Variants in ADAMTS14 observed in about 807,000 individuals in gnomAD.
ADAMTS14 encodes ADAM metallopeptidase with thrombospondin type 1 motif 14.
In ADAMTS14, 100 loss-of-function variants were observed where a neutral mutation model predicts 128.6. The ratio of observed to expected loss-of-function variants is 0.78; its 90% confidence interval spans 0.66 to 0.92. The LOEUF (loss-of-function observed/expected upper bound fraction) is 0.92. Among genes scored for constraint, ADAMTS14 ranks in the 40% least tolerant of loss-of-function variants. The probability of loss-of-function intolerance (pLI) is 0.00; values close to 1 mark genes in which losing one functional copy is unlikely to be tolerated. For missense variants in ADAMTS14, 1,562 were observed against 1,658.6 expected (o/e 0.94, Z 1.01); for synonymous variants, 665 against 653.8 (o/e 1.02, Z -0.26).
At chr10:70,718,168 G>A (rs1046015116) in intron 4 of ADAMTS14, among the ~76,000 whole-genome samples, 1 of 152,144 alleles carries the variant, frequency 6.6e-6, no homozygotes, top group Non-Finnish European at 1.5e-5. Flanking sequence ...CGGAGAGTGT[G>A]GCTTTGCCAG....
intron 5 of ADAMTS14, 35 bp from the exon 6 acceptor site, chr10:70,730,067 C>T: frequency 1.3e-6 from 2 of 1,556,604 alleles, no homozygotes; most frequent in South Asian, 1.2e-5. Flanking sequence ...CTCTGACCCT[C>T]CACGTGGCTG....
intron 6 of ADAMTS14, 48 bp from the exon 7 acceptor site, chr10:70,732,206 C>T (rs1841663035): frequency 1.3e-6 from 2 of 1,526,962 alleles, no homozygotes; most frequent in African/African-American, 1.4e-5. Flanking sequence ...TGTCCTGCCT[C>T]ACCTGCCCTC....
chr10:70,718,701 A>G (rs76128255), intron 4 of ADAMTS14, among the ~76,000 whole-genome samples: 1 of 143,780 alleles, frequency 7.0e-6, no homozygotes, highest in East Asian at 2.1e-4. Context: ...TTTTTTTTAA[A>G]GACAGTGTCT....
In ADAMTS14 at chr10:70,709,913, C is replaced by T. The variant is rs1445054052; in HGVS notation, c.870+1135C>T. On this transcript the variant is annotated intron_variant, in intron 4 of 21. Coordinates refer to ENST00000373207, the MANE Select transcript of ADAMTS14 (RefSeq NM_080722.4). The stretch of plus-strand genomic sequence containing the variant: ...CATCCCTGGGCTAAAGGGGCAGAGA[C>T]AAGGAAGAGCAGGAGGGAAAGGAGG... 2.0e-5 allele frequency among the ~76,000 whole-genome samples: 3 copies of T among 152,258 alleles called. No homozygotes were observed. In the East Asian group the frequency reaches 5.8e-4, roughly 29 times the overall value.
chr10:70,747,421 G>T (rs988003922), intron 15 of ADAMTS14, among the ~76,000 whole-genome samples: 2 of 152,000 alleles, frequency 1.3e-5, no homozygotes, highest in African/African-American at 4.8e-5. Flanking sequence ...ATTGGTTCAG[G>T]CAAGTCCTGC....
At chr10:70,712,387 T>G (rs1033303003) in intron 4 of ADAMTS14, among the ~76,000 whole-genome samples, 6 of 152,206 alleles carry the variant, frequency 3.9e-5, no homozygotes, top group Admixed American at 1.3e-4. Flanking sequence ...ATCCTTCACT[T>G]TGTTAAAAGA....
intron 4 of ADAMTS14, among the ~76,000 whole-genome samples, chr10:70,722,207 T>A (rs1457536313): frequency 1.3e-5 from 2 of 152,134 alleles, no homozygotes; most frequent in Non-Finnish European, 2.9e-5. Flanking sequence ...TGCTGGGGGC[T>A]AGAGCACATG....
chr10:70,704,563 C>T (rs1372232084), intron 3 of ADAMTS14, among the ~76,000 whole-genome samples: 1 of 151,096 alleles, frequency 6.6e-6, no homozygotes, highest in Admixed American at 6.6e-5. Flanking sequence ...TCTATACCCT[C>T]ATGCTCACAC....
At chr10:70,677,443 T>C (rs754346534) in intron 2 of ADAMTS14, among the ~76,000 whole-genome samples, 1 of 152,114 alleles carries the variant, frequency 6.6e-6, no homozygotes, top group Non-Finnish European at 1.5e-5. Context: ...CCCTGGAAGA[T>C]GGGAATCGAT....
At chr10:70,698,519 G>A (rs1036742475) in intron 2 of ADAMTS14, among the ~76,000 whole-genome samples, 3 of 152,184 alleles carry the variant, frequency 2.0e-5, no homozygotes, top group African/African-American at 7.2e-5. Flanking sequence ...CTCCCGGTCT[G>A]GTGGCCAAGC....
At chr10:70,678,837 G>A (rs59276431) in intron 2 of ADAMTS14, among the ~76,000 whole-genome samples, 6,996 of 152,208 alleles carry the variant, frequency 0.046, 547 homozygotes, top group African/African-American at 0.16. Flanking sequence ...TTGTGGCATG[G>A]GGCTGACCTT....
At chr10:70,698,331 A>G (rs1840393454) in intron 2 of ADAMTS14, among the ~76,000 whole-genome samples, 1 of 152,176 alleles carries the variant, frequency 6.6e-6, no homozygotes, top group Non-Finnish European at 1.5e-5. Flanking sequence ...AAATTGAGAG[A>G]CGGGAGTACT....
chr10:70,688,007 C>A (rs1419005895), intron 2 of ADAMTS14, among the ~76,000 whole-genome samples: 2 of 63,374 alleles, frequency 3.2e-5, no homozygotes, highest in African/African-American at 6.2e-5. Context: ...GGCTGCCGGG[C>A]GGAGACGCTC....
chr10:70,685,511 A>T (rs930559093), intron 2 of ADAMTS14, among the ~76,000 whole-genome samples: 4 of 152,124 alleles, frequency 2.6e-5, no homozygotes, highest in Non-Finnish European at 5.9e-5. Context: ...TGTGGCTGGA[A>T]AAGGCTTTGG....
intron 7 of ADAMTS14, among the ~76,000 whole-genome samples, chr10:70,733,016 T>C (rs1841699047): frequency 6.6e-6 from 1 of 152,130 alleles, no homozygotes; most frequent in Admixed American, 6.5e-5. Flanking sequence ...TGGACACAAA[T>C]GAGCTACTGT....
chr10:70,683,390 A>G (rs72814526), intron 2 of ADAMTS14, among the ~76,000 whole-genome samples: 40,993 of 152,066 alleles, frequency 0.27, 5,776 homozygotes, highest in Middle Eastern at 0.36. Context: ...AGTCTTTGGA[A>G]AGAAAGGGGG....
At chr10:70,746,266 T>G (rs1407196385) in intron 15 of ADAMTS14, among the ~76,000 whole-genome samples, 1 of 152,146 alleles carries the variant, frequency 6.6e-6, no homozygotes, top group East Asian at 1.9e-4. Flanking sequence ...AATACCACAA[T>G]AAGTTAATAA....
chr10:70,729,440 A>G, intron 5 of ADAMTS14, 63 bp downstream of exon 5: 2 of 1,368,938 alleles, frequency 1.5e-6, no homozygotes, highest in Non-Finnish European at 2.1e-6. Context: ...AGAGTGTTGG[A>G]CCAGCAATGG....
At chr10:70,712,562 T>C (rs920797587) in intron 4 of ADAMTS14, among the ~76,000 whole-genome samples, 1 of 152,188 alleles carries the variant, frequency 6.6e-6, no homozygotes, top group Non-Finnish European at 1.5e-5. Context: ...TTATAATGAA[T>C]GTGCAAAAGG....
Sources: allele counts gnomAD v4.1 joint callset (sites outside exome capture counted in the v4.1 genomes callset), GRCh38; gene constraint gnomAD v4.1.1; transcripts MANE v1.5; gene names NCBI Gene and HGNC (gene_info 2026-07-23, HGNC 2026-07-21).